Variants in SLC7A14 observed in about 807,000 individuals in gnomAD.
SLC7A14 encodes gamma-aminobutyric acid transporter SLC7A14.
SLC7A14 carries 37 observed loss-of-function variants against 60.2 expected under a neutral mutation model. The ratio of observed to expected loss-of-function variants is 0.61; its 90% CI spans 0.47 to 0.81. The LOEUF (loss-of-function observed/expected upper bound fraction) is 0.81. SLC7A14 is among the 30% of genes least tolerant of loss of function. The probability of loss-of-function intolerance (pLI) is 0.00; values close to 1 mark genes in which losing one functional copy is unlikely to be tolerated. For synonymous variants in SLC7A14, 399 were observed against 395.8 expected (o/e 1.01, Z -0.10); for missense variants, 886 against 982.7 (o/e 0.90, Z 1.32).
At chr3:170,562,456 T>C (rs1161445278) in intron 1 of SLC7A14, among the ~76,000 whole-genome samples, 1 of 143,886 alleles carries the variant, frequency 6.9e-6, no homozygotes, top group Non-Finnish European at 1.5e-5. Context: ...TGCAAAGGCA[T>C]AAAAATGATT....
In SLC7A14 at chr3:170,578,722, C is replaced by T. The variant is rs1225803549; in HGVS notation, c.-153+7189G>A. ...TAAATAATGATGTAAAAATAAGAATCTTGATTTATGTTTAATTCTTCGGTC... is the reference window on the plus strand; with the variant it reads ...TAAATAATGATGTAAAAATAAGAATTTTGATTTATGTTTAATTCTTCGGTC... On this transcript the variant is annotated intron_variant, in intron 1 of 7. Coordinates refer to ENST00000231706, the MANE Select transcript of SLC7A14 (RefSeq NM_020949.3). Among the ~76,000 whole-genome samples, 5 of 152,166 alleles carry T rather than the reference C, an allele frequency of 3.3e-5. 1 individual carries two copies. The highest frequency in any genetic ancestry group is 7.4e-5 in the Non-Finnish European group (5 of 67,994).
chr3:170,529,978 C>A (rs1285047679), intron 1 of SLC7A14, among the ~76,000 whole-genome samples: 2 of 152,182 alleles, frequency 1.3e-5, no homozygotes, highest in Non-Finnish European at 2.9e-5. Context: ...CCTGCTGACA[C>A]CTTAGTCTTG....
chr3:170,553,661 A>C (rs1714409906), intron 1 of SLC7A14, among the ~76,000 whole-genome samples: 1 of 152,232 alleles, frequency 6.6e-6, no homozygotes, highest in Non-Finnish European at 1.5e-5. Context: ...GAACAGTTGA[A>C]GAAGTCCTAG....
intron 7 of SLC7A14, among the ~76,000 whole-genome samples, chr3:170,474,941 G>C (rs1388350809): frequency 2.0e-5 from 3 of 152,208 alleles, no homozygotes; most frequent in Non-Finnish European, 4.4e-5. Context: ...GGGAACAGCA[G>C]GCCCGAAGGA....
intron 1 of SLC7A14, among the ~76,000 whole-genome samples, chr3:170,544,509 T>C (rs191717349): frequency 6.6e-5 from 10 of 152,322 alleles, no homozygotes; most frequent in Admixed American, 4.6e-4. Flanking sequence ...GTACCTGCCA[T>C]GATTTTAACT....
intron 2 of SLC7A14, among the ~76,000 whole-genome samples, chr3:170,520,187 C>G (rs547209027): frequency 3.3e-5 from 5 of 152,338 alleles, no homozygotes; most frequent in Non-Finnish European, 5.9e-5. Context: ...TAAGCAGGAG[C>G]CTTAAGCAAA....
In SLC7A14 at chr3:170,561,582, G is replaced by A. The variant is rs181011440; in HGVS notation, c.-153+24329C>T. On this transcript the variant is annotated intron_variant, in intron 1 of 7. Coordinates refer to ENST00000231706, the MANE Select transcript of SLC7A14 (RefSeq NM_020949.3). ...TGCTCTGCTTACCCCACAGGGTTAT[G>A]ACAAGGATTAAATGAAAAATGCTAC... 3.9e-3 allele frequency among the ~76,000 whole-genome samples: 599 copies of A among 152,300 alleles called. 2 individuals carry two copies. Among genetic ancestry groups the A allele is most frequent in the Non-Finnish European group, 6.7e-3 (457 of 68,016 alleles).
At position 170,481,099 on chromosome 3, in the gene SLC7A14, C is replaced by T; in HGVS notation, c.1183G>A (p.Ala395Thr). 5 of 1,614,086 alleles carry T rather than the reference C, an allele frequency of 3.1e-6. No homozygotes were observed. The highest frequency in any genetic ancestry group is 4.2e-6 in the Non-Finnish European group (5 of 1,180,004). Residue 395 changes from alanine to threonine, a missense_variant, in exon 7 of 8, where the codon GCA (alanine) becomes ACA (threonine). Transcript: ENST00000231706. ...VVACIVSGFL[A>T]ALLALLVSLR... ...CTGACCAACAGTGCGAGGAGCGCTG[C>T]CAGGAACCCCGACACGATGCAGGCC...
intron 7 of SLC7A14, among the ~76,000 whole-genome samples, chr3:170,480,080 T>G (rs1362703426): frequency 6.6e-6 from 1 of 152,168 alleles, no homozygotes; most frequent in Non-Finnish European, 1.5e-5. Flanking sequence ...TTAATCAACA[T>G]CATTTTTCCA....
chr3:170,554,898 G>A (rs1171255084), intron 1 of SLC7A14, among the ~76,000 whole-genome samples: 1 of 152,184 alleles, frequency 6.6e-6, no homozygotes, highest in East Asian at 1.9e-4. Context: ...GACGGGCGCG[G>A]TGGCTCACGC....
At chr3:170,552,394 A>G (rs1238761076) in intron 1 of SLC7A14, among the ~76,000 whole-genome samples, 1 of 152,186 alleles carries the variant, frequency 6.6e-6, no homozygotes, top group Non-Finnish European at 1.5e-5. Flanking sequence ...ATTTTATTCC[A>G]TTGATCTACA....
chr3:170,506,223 G>T (rs1192834442), intron 2 of SLC7A14, among the ~76,000 whole-genome samples: 1 of 152,134 alleles, frequency 6.6e-6, no homozygotes, highest in Non-Finnish European at 1.5e-5. Flanking sequence ...GAAATATAAA[G>T]GATTTATTTC....
At chr3:170,545,007 GT>G (rs1444169714) in intron 1 of SLC7A14, among the ~76,000 whole-genome samples, 1 of 152,208 alleles carries the variant, frequency 6.6e-6, no homozygotes, top group African/African-American at 2.4e-5. Context: ...CTTGAAATGT[GT>G]CTAGTGCAAC....
chr3:170,526,239 TAAAAATAC>T (rs1180497942), intron 2 of SLC7A14, among the ~76,000 whole-genome samples: 4 of 151,674 alleles, frequency 2.6e-5, no homozygotes, highest in Non-Finnish European at 5.9e-5. Context: ...CCGTCTCTAC[TAAAAATAC>T]AAAAATTAGC....
At chr3:170,566,897 G>A (rs989463524) in intron 1 of SLC7A14, among the ~76,000 whole-genome samples, 13 of 151,828 alleles carry the variant, frequency 8.6e-5, no homozygotes, top group African/African-American at 2.2e-4. Context: ...CATTTAAAGC[G>A]AAGTTGAAAT....
At chr3:170,478,105 T>C (rs891783040) in intron 7 of SLC7A14, among the ~76,000 whole-genome samples, 1 of 152,084 alleles carries the variant, frequency 6.6e-6, no homozygotes, top group Non-Finnish European at 1.5e-5. Context: ...TGAAATGGAG[T>C]CTTGCTCTGT....
chr3:170,486,646 G>A (rs992786553), intron 4 of SLC7A14, among the ~76,000 whole-genome samples: 6 of 152,166 alleles, frequency 3.9e-5, no homozygotes, highest in Non-Finnish European at 7.4e-5. Context: ...GGCCGATGGG[G>A]GTGGATCACG....
At chr3:170,526,403 A>G (rs1181101189) in intron 2 of SLC7A14, among the ~76,000 whole-genome samples, 3 of 151,376 alleles carry the variant, frequency 2.0e-5, no homozygotes, top group East Asian at 3.9e-4. Flanking sequence ...CTCCATCTCA[A>G]AAAAAGAAGA....
At chr3:170,469,559 G>A (rs1038781965) in intron 7 of SLC7A14, among the ~76,000 whole-genome samples, 1 of 152,110 alleles carries the variant, frequency 6.6e-6, no homozygotes, top group South Asian at 2.1e-4. Flanking sequence ...TCACATTAAG[G>A]CCTCTTCTAA....
Sources: allele counts gnomAD v4.1 joint callset (sites outside exome capture counted in the v4.1 genomes callset), GRCh38; gene constraint gnomAD v4.1.1; transcripts MANE v1.5; gene names NCBI Gene and HGNC (gene_info 2026-07-23, HGNC 2026-07-21).